KIRREL3: variants seen among roughly 807,000 people sequenced by gnomAD.
KIRREL3 encodes kin of IRRE-like protein 3.
A neutral mutation model predicts 89.7 loss-of-function variants in KIRREL3; 36 were observed. The ratio of observed to expected loss-of-function variants is 0.40; its 90% CI spans 0.31 to 0.53. KIRREL3 has a LOEUF of 0.53. KIRREL3 is among the 20% of genes least tolerant of loss of function. The pLI is 0.49. For synonymous variants in KIRREL3, 445 were observed against 441.4 expected, an observed-to-expected ratio of 1.01 and a Z score of -0.10; for missense variants, 864 against 1,056.6, an observed-to-expected ratio of 0.82 and a Z score of 2.53.
At chr11:126,595,082 T>C (rs1942331956) in intron 1 of KIRREL3, among the ~76,000 whole-genome samples, 1 of 152,242 alleles carries the variant, frequency 6.6e-6, no homozygotes, top group South Asian at 2.1e-4. Flanking sequence ...GCTGTGGGGA[T>C]GGTGACAAGG....
rs887403608 is a variant in KIRREL3 at position 126,747,784 on chromosome 11, G to T, written c.56-184872C>A. On this transcript the variant is annotated intron_variant, in intron 1 of 16. Transcript: ENST00000525144. The surrounding 1 kb of genome is among the most constrained non-coding windows in gnomAD (Gnocchi z 4.7). ...GGAACGACTGTGTGCAGAGAGTCAT[G>T]TGAGAACCCCTGTTCCCCTCCCTCT... is the stretch of plus-strand genomic sequence containing the variant. Among the ~76,000 whole-genome samples the T allele has an allele frequency of 6.6e-6, 1 of 152,140 alleles. No homozygotes were observed.
At chr11:126,700,261 C>T (rs1231613156) in intron 1 of KIRREL3, among the ~76,000 whole-genome samples, 1 of 151,422 alleles carries the variant, frequency 6.6e-6, no homozygotes, top group African/African-American at 2.4e-5. Context: ...AGAGCAGTAA[C>T]TTGACATCCT....
At chr11:126,818,617 TAGTAGTA>T (rs760508589) in intron 1 of KIRREL3, among the ~76,000 whole-genome samples, 19 of 67,844 alleles carry the variant, frequency 2.8e-4, no homozygotes, top group South Asian at 1.6e-3. Context: ...GTAGTAGTAG[TAGTAGTA>T]GTGTGTGTGT....
chr11:126,813,963 A>C (rs1364644316), intron 1 of KIRREL3, among the ~76,000 whole-genome samples: 1 of 152,226 alleles, frequency 6.6e-6, no homozygotes, highest in Admixed American at 6.5e-5. Flanking sequence ...AACTATCATC[A>C]GAGTAAACAG....
chr11:126,456,675 T>A (rs1042373988), intron 6 of KIRREL3, among the ~76,000 whole-genome samples: 7 of 152,208 alleles, frequency 4.6e-5, no homozygotes, highest in Middle Eastern at 3.4e-3. Flanking sequence ...GGGCCTGGTG[T>A]GGACACGAAC....
chr11:126,445,744 G>C (rs1026690655), intron 9 of KIRREL3, among the ~76,000 whole-genome samples: 31 of 152,300 alleles, frequency 2.0e-4, no homozygotes, highest in African/African-American at 6.0e-4. Context: ...CCACACAAAG[G>C]TCGGTTTCCT....
intron 1 of KIRREL3, among the ~76,000 whole-genome samples, chr11:126,845,557 G>A (rs1944110377): frequency 6.6e-6 from 1 of 152,128 alleles, no homozygotes; most frequent in Non-Finnish European, 1.5e-5. Flanking sequence ...TGCTGTTCAA[G>A]ATGGCCCGGA....
At position 126,635,204 on chromosome 11, in the gene KIRREL3, T is replaced by A. The variant is rs555022553; in HGVS notation, c.56-72292A>T. On this transcript the variant is annotated intron_variant, in intron 1 of 16. Transcript: ENST00000525144. The surrounding 1 kb of genome is among the most constrained non-coding windows in gnomAD (Gnocchi z 4.0). ...TCCACCTCTAGGCAGGCACAGCAAG[T>A]GTGGGCATTGCTTACTGCAGAGAGG... Among the ~76,000 whole-genome samples the A allele has an allele frequency of 1.3e-5, 2 of 152,328 alleles. No individual in the cohort carries two copies. The highest frequency in any genetic ancestry group is 4.1e-4 in the South Asian group (2 of 4,824).
intron 1 of KIRREL3, among the ~76,000 whole-genome samples, chr11:126,959,809 C>T (rs1033496699): frequency 6.6e-6 from 1 of 152,170 alleles, no homozygotes. Flanking sequence ...TCCCATTAGT[C>T]CTCCAGGATG....
intron 1 of KIRREL3, among the ~76,000 whole-genome samples, chr11:126,657,532 G>C (rs1371274334): frequency 6.6e-6 from 1 of 152,206 alleles, no homozygotes. Context: ...GTTTAGCAAA[G>C]AAGGGCAGTG....
intron 1 of KIRREL3, among the ~76,000 whole-genome samples, chr11:126,975,536 A>G (rs2135229188): frequency 6.6e-6 from 1 of 152,270 alleles, no homozygotes; most frequent in East Asian, 1.9e-4. Context: ...AGTCCAGTGG[A>G]AGATTTGTTG....
At position 126,476,298 on chromosome 11, in the gene KIRREL3, T is replaced by C. The variant is rs146300679; in HGVS notation, c.434-2832A>G. Among the ~76,000 whole-genome samples the C allele has an allele frequency of 5.9e-5, 9 of 152,282 alleles. No individual in the cohort carries two copies. Among genetic ancestry groups the C allele is most frequent in the Non-Finnish European group, 1.0e-4 (7 of 68,020 alleles). ...TTGGGGAGCTCCCCAGGGGGTCCCATGGCAGGACCAGCTTTCTGGGCTCTG... is the reference window on the plus strand; with the variant it reads ...TTGGGGAGCTCCCCAGGGGGTCCCACGGCAGGACCAGCTTTCTGGGCTCTG... On this transcript the variant is annotated intron_variant, in intron 4 of 16. Coordinates refer to ENST00000525144, the MANE Select transcript of KIRREL3 (RefSeq NM_032531.4). The surrounding 1 kb of genome is among the most constrained non-coding windows in gnomAD (Gnocchi z 6.4).
chr11:126,733,712 A>T (rs1011613856), intron 1 of KIRREL3, among the ~76,000 whole-genome samples: 6 of 152,210 alleles, frequency 3.9e-5, no homozygotes, highest in African/African-American at 1.2e-4. Context: ...GTCTTGACAC[A>T]GTGTCATTTA....
chr11:126,669,642 G>A lies in KIRREL3; in HGVS notation c.56-106730C>T, dbSNP rs1023743498. 1.3e-5 allele frequency among the ~76,000 whole-genome samples: 2 copies of A among 152,126 alleles called. No homozygotes were observed. Among genetic ancestry groups the A allele is most frequent in the Non-Finnish European group, 2.9e-5 (2 of 68,038 alleles). ...TCCCACGAGTCAGATTACCCAGTCA[G>A]CCAGTAAATGTTGGAGGACTCCTGC... is the stretch of plus-strand genomic sequence containing the variant. On this transcript the variant is annotated intron_variant, in intron 1 of 16. Coordinates refer to ENST00000525144, the MANE Select transcript of KIRREL3 (RefSeq NM_032531.4). This position sits in a 1 kb window ranked among gnomAD's most constrained non-coding sequence, Gnocchi z 5.0.
At chr11:126,672,437 T>C (rs1219171249) in intron 1 of KIRREL3, among the ~76,000 whole-genome samples, 2 of 152,192 alleles carry the variant, frequency 1.3e-5, no homozygotes, top group African/African-American at 2.4e-5. Context: ...CATGGATGTA[T>C]CTTAGATACA....
intron 1 of KIRREL3, among the ~76,000 whole-genome samples, chr11:126,966,206 C>T (rs1377903076): frequency 6.6e-6 from 1 of 152,028 alleles, no homozygotes; most frequent in Non-Finnish European, 1.5e-5. Context: ...CTGTTACAAA[C>T]GGTAATTTGA....
rs1945082069 is a variant in KIRREL3 at position 126,870,802 on chromosome 11, G to A, written c.55+129653C>T. On this transcript the variant is annotated intron_variant, in intron 1 of 16. Coordinates refer to ENST00000525144, the MANE Select transcript of KIRREL3 (RefSeq NM_032531.4). This position sits in a 1 kb window ranked among gnomAD's most constrained non-coding sequence, Gnocchi z 4.4. ...AGCACACTGCCCCTCCCCACTTCCA[G>A]TGTAGTTCCTGCACTGCCCCTCCCC... 6.6e-6 allele frequency among the ~76,000 whole-genome samples: 1 copy of A among 152,124 alleles called. No individual in the cohort carries two copies. Among genetic ancestry groups the A allele is most frequent in the Non-Finnish European group, 1.5e-5 (1 of 68,014 alleles).
At chr11:126,833,433 C>T (rs919701337) in intron 1 of KIRREL3, among the ~76,000 whole-genome samples, 2 of 152,344 alleles carry the variant, frequency 1.3e-5, no homozygotes, top group East Asian at 3.9e-4. Context: ...AATTTGATCA[C>T]CTCCACCTGC....
rs1009358400 is a variant in KIRREL3 at position 126,565,401 on chromosome 11, T to A, written c.56-2489A>T. Among the ~76,000 whole-genome samples the A allele has an allele frequency of 1.3e-5, 2 of 152,170 alleles. No individual in the cohort carries two copies. The highest frequency in any genetic ancestry group is 2.4e-5 in the African/African-American group (1 of 41,446). ...TTTGCAAATGAGCAGGAAAAGAAGT[T>A]TTAAAAAACCTGATTAATAAAAGAA... On this transcript the variant is annotated intron_variant, in intron 1 of 16. Transcript: ENST00000525144. This position sits in a 1 kb window ranked among gnomAD's most constrained non-coding sequence, Gnocchi z 5.4.
Sources: allele counts gnomAD v4.1 joint callset (sites outside exome capture counted in the v4.1 genomes callset), GRCh38; gene constraint gnomAD v4.1.1; non-coding constraint Gnocchi (gnomAD v3.1); transcripts MANE v1.5; gene names NCBI Gene and HGNC (gene_info 2026-07-23, HGNC 2026-07-21).